The following CDH13 variants were observed in gnomAD, a reference collection of about 807,000 sequenced individuals.
CDH13 encodes cadherin-13.
Under a neutral mutation model 63.8 loss-of-function variants are expected in CDH13, and 24 were observed. That is an observed-to-expected ratio of 0.38 (90% confidence interval 0.27 to 0.53). CDH13 has a LOEUF of 0.53. CDH13 is among the 20% of genes least tolerant of loss of function. The pLI is 0.85. For missense variants in CDH13, 1,049 were observed against 903.1 expected (o/e 1.16, Z -2.07); for synonymous variants, 503 against 355.3 (o/e 1.42, Z -4.67).
chr16:82,941,961 G>A (rs1243534391), intron 2 of CDH13, among the ~76,000 whole-genome samples: 1 of 152,136 alleles, frequency 6.6e-6, no homozygotes, highest in Non-Finnish European at 1.5e-5. Context: ...TCTGTCAGAT[G>A]CATGAATTAC....
intron 4 of CDH13, among the ~76,000 whole-genome samples, chr16:83,142,160 GTTT>G (rs11445521): frequency 1.7e-5 from 2 of 120,372 alleles, no homozygotes; most frequent in Non-Finnish European, 1.7e-5. Context: ...GTTTGTTTTT[GTTT>G]TTTTTTTTTT....
At chr16:83,566,016 T>C (rs182165221) in intron 7 of CDH13, among the ~76,000 whole-genome samples, 4 of 152,176 alleles carry the variant, frequency 2.6e-5, no homozygotes, top group Non-Finnish European at 5.9e-5. Context: ...TCATTTGAGT[T>C]GTAACGCAGG....
At chr16:83,044,542 C>G (rs951827408) in intron 3 of CDH13, among the ~76,000 whole-genome samples, 1 of 152,162 alleles carries the variant, frequency 6.6e-6, no homozygotes, top group African/African-American at 2.4e-5. Flanking sequence ...GTAAATTTCT[C>G]CCAGGCCAGG....
intron 13 of CDH13, among the ~76,000 whole-genome samples, chr16:83,784,129 C>G (rs1915719118): frequency 6.6e-6 from 1 of 152,142 alleles, no homozygotes; most frequent in Non-Finnish European, 1.5e-5. Flanking sequence ...ATAACTGTTA[C>G]CATCCAAAAG....
chr16:83,654,649 G>A (rs1288356531), intron 8 of CDH13, among the ~76,000 whole-genome samples: 1 of 152,160 alleles, frequency 6.6e-6, no homozygotes, highest in African/African-American at 2.4e-5. Flanking sequence ...ATGCCAGGAT[G>A]TTCCAAACAG....
intron 7 of CDH13, among the ~76,000 whole-genome samples, chr16:83,541,636 AG>A (rs1402899694): frequency 6.6e-6 from 1 of 152,250 alleles, no homozygotes; most frequent in African/African-American, 2.4e-5. Flanking sequence ...AAAGGTCTAG[AG>A]GAAGGCACAG....
intron 7 of CDH13, among the ~76,000 whole-genome samples, chr16:83,534,490 C>G (rs116232684): frequency 0.014 from 2,123 of 152,296 alleles, 52 homozygotes; most frequent in African/African-American, 0.048. Context: ...ATGTTACAAC[C>G]ACTACCTCCT....
At chr16:83,382,393 C>T (rs566214833) in intron 6 of CDH13, among the ~76,000 whole-genome samples, 2 of 152,234 alleles carry the variant, frequency 1.3e-5, no homozygotes, top group East Asian at 1.9e-4. Context: ...TTTAAATGTA[C>T]AGAAAAGTTG....
At chr16:83,269,512 G>A (rs545860235) in intron 5 of CDH13, among the ~76,000 whole-genome samples, 1 of 149,450 alleles carries the variant, frequency 6.7e-6, no homozygotes, top group South Asian at 2.1e-4. Flanking sequence ...TTAGAATAGT[G>A]TGAGTTGTTC....
chr16:83,681,770 AGAG>A (rs1386090045), intron 10 of CDH13, among the ~76,000 whole-genome samples: 2 of 152,194 alleles, frequency 1.3e-5, no homozygotes, highest in East Asian at 1.9e-4. Context: ...CTGTGTGTGC[AGAG>A]GAGGAGTGGG....
At chr16:82,966,472 A>G (rs958720031) in intron 2 of CDH13, among the ~76,000 whole-genome samples, 6 of 152,144 alleles carry the variant, frequency 3.9e-5, no homozygotes, top group Non-Finnish European at 7.4e-5. Context: ...ATTAATGAGA[A>G]AACTGAGGCT....
At chr16:82,711,632 T>C (rs531203582) in intron 1 of CDH13, among the ~76,000 whole-genome samples, 1 of 152,336 alleles carries the variant, frequency 6.6e-6, no homozygotes, top group Non-Finnish European at 1.5e-5. Flanking sequence ...AGGGGCTCTC[T>C]TGGGCTCCCC....
intron 8 of CDH13, among the ~76,000 whole-genome samples, chr16:83,636,057 T>C (rs979401526): frequency 2.6e-5 from 4 of 151,688 alleles, no homozygotes; most frequent in African/African-American, 9.7e-5. Context: ...CTTTTAGAAA[T>C]AGCTATCCTT....
At chr16:83,500,682 C>T (rs1172648084) in intron 7 of CDH13, among the ~76,000 whole-genome samples, 3 of 147,676 alleles carry the variant, frequency 2.0e-5, no homozygotes, top group African/African-American at 7.5e-5. Context: ...AAGCAATTCT[C>T]GCACCTCAGC....
chr16:82,821,578 A>G (rs943776773), intron 1 of CDH13, among the ~76,000 whole-genome samples: 1 of 152,246 alleles, frequency 6.6e-6, no homozygotes, highest in African/African-American at 2.4e-5. Context: ...TGGCACAGAC[A>G]GTCATGGAGC....
At chr16:83,213,374 G>A (rs375677222) in intron 4 of CDH13, among the ~76,000 whole-genome samples, 10 of 152,110 alleles carry the variant, frequency 6.6e-5, no homozygotes, top group African/African-American at 1.9e-4. Context: ...GCAGAGAAAC[G>A]GGAGGGTGGT....
At chr16:82,881,935 T>G (rs901747056) in intron 2 of CDH13, among the ~76,000 whole-genome samples, 5 of 152,320 alleles carry the variant, frequency 3.3e-5, no homozygotes, top group African/African-American at 1.2e-4. Context: ...ACTCTGCTGT[T>G]TAACCTGCAG....
At chr16:83,160,688 G>A (rs745943117) in intron 4 of CDH13, among the ~76,000 whole-genome samples, 1 of 152,104 alleles carries the variant, frequency 6.6e-6, no homozygotes, top group Non-Finnish European at 1.5e-5. Flanking sequence ...AAAGAAAAGA[G>A]GGGTGATATT....
intron 4 of CDH13, among the ~76,000 whole-genome samples, chr16:83,165,203 C>T (rs538517528): frequency 1.3e-5 from 2 of 152,128 alleles, no homozygotes; most frequent in African/African-American, 2.4e-5. Flanking sequence ...TCCCTCCAAA[C>T]GTCAAGTGGG....
Sources: gnomAD v4.1 joint callset for allele counts (sites outside exome capture counted in the v4.1 genomes callset) on GRCh38, gnomAD v4.1.1 for gene constraint, MANE v1.5 for transcripts, NCBI Gene and HGNC (gene_info 2026-07-23, HGNC 2026-07-21) for gene names.